The following NCKAP5 variants were observed in gnomAD, a reference collection of about 807,000 sequenced individuals.
The protein encoded by NCKAP5 is NCK associated protein 5, also known as nck-associated protein 5.
In NCKAP5, 92 loss-of-function variants were observed where a neutral mutation model predicts 167.0. The ratio of observed to expected loss-of-function variants is 0.55; its 90% CI spans 0.47 to 0.66. NCKAP5 has a LOEUF of 0.66. NCKAP5 is among the 30% of genes least tolerant of loss of function. NCKAP5 has a pLI of 0.00. For missense variants in NCKAP5, 2,378 were observed against 2,315.0 expected (o/e 1.03, Z -0.56); for synonymous variants, 891 against 877.4 (o/e 1.02, Z -0.27).
At chr2:133,449,883 A>G (rs1024371474) in intron 3 of NCKAP5, among the ~76,000 whole-genome samples, 9 of 151,792 alleles carry the variant, frequency 5.9e-5, no homozygotes, top group African/African-American at 1.9e-4. Flanking sequence ...ACTCGGTTGC[A>G]TAGCACAATT....
intron 3 of NCKAP5, among the ~76,000 whole-genome samples, chr2:133,464,946 G>C (rs577869458): frequency 6.6e-6 from 1 of 151,858 alleles, no homozygotes; most frequent in South Asian, 2.1e-4. Flanking sequence ...TAGACTAATT[G>C]AGAAGATCAC....
Position 132,752,530 on chromosome 2 carries a change from C to T in NCKAP5, c.5129-20479G>A, listed in dbSNP as rs546614618. Among the ~76,000 whole-genome samples the T allele has an allele frequency of 8.1e-4, 124 of 152,234 alleles. 2 individuals carry two copies. The Middle Eastern group carries it at 0.014, about 17-fold the overall frequency. On this transcript the variant is annotated intron_variant, in intron 16 of 19. Transcript: ENST00000409261. ...GAATCTTGGCATCTGTAGTCTCTAC[C>T]CACCCCCTGCCCAGTTTGTAGAATA... is the stretch of plus-strand genomic sequence containing the variant.
chr2:133,476,746 G>C (rs1286378052), intron 3 of NCKAP5, among the ~76,000 whole-genome samples: 1 of 152,146 alleles, frequency 6.6e-6, no homozygotes, highest in East Asian at 1.9e-4. Flanking sequence ...TCGTGGAATA[G>C]GCTTCATGCT....
chr2:133,522,553 C>T (rs1684558231), intron 2 of NCKAP5, among the ~76,000 whole-genome samples: 1 of 152,108 alleles, frequency 6.6e-6, no homozygotes, highest in Non-Finnish European at 1.5e-5. Context: ...TCTGTGTTCC[C>T]CTAGGTAGTA....
intron 5 of NCKAP5, among the ~76,000 whole-genome samples, chr2:133,156,449 C>A (rs1183516243): frequency 6.6e-6 from 1 of 152,044 alleles, no homozygotes; most frequent in Non-Finnish European, 1.5e-5. Context: ...CCAGGTAGCC[C>A]AAAAATATGT....
At chr2:133,525,751 G>C (rs938545141) in intron 2 of NCKAP5, among the ~76,000 whole-genome samples, 3 of 151,946 alleles carry the variant, frequency 2.0e-5, no homozygotes, top group African/African-American at 7.3e-5. Flanking sequence ...CTCTCAGTGG[G>C]GACACAAAGA....
At chr2:133,243,122 C>T (rs1549740) in intron 4 of NCKAP5, among the ~76,000 whole-genome samples, 151,122 of 152,296 alleles carry the variant, frequency 0.99, 74,984 homozygotes, top group East Asian at 1. Context: ...TTTAAAAAGG[C>T]TAGGAGCAAC....
At chr2:133,112,139 T>C (rs757061533) in intron 6 of NCKAP5, among the ~76,000 whole-genome samples, 1 of 152,180 alleles carries the variant, frequency 6.6e-6, no homozygotes, top group Non-Finnish European at 1.5e-5. Context: ...TTACTGGTCT[T>C]ATGACCTTAG....
intron 11 of NCKAP5, among the ~76,000 whole-genome samples, chr2:132,834,816 G>T (rs954614902): frequency 1.1e-4 from 16 of 152,106 alleles, no homozygotes; most frequent in African/African-American, 3.9e-4. Context: ...TCTTTCTCTT[G>T]TCTAATTGCT....
At chr2:133,173,029 G>C (rs1237027327) in intron 5 of NCKAP5, among the ~76,000 whole-genome samples, 1 of 152,068 alleles carries the variant, frequency 6.6e-6, no homozygotes, top group African/African-American at 2.4e-5. Context: ...GCAATGCACT[G>C]TGCTGTCAGG....
At chr2:133,458,782 C>T (rs1016501342) in intron 3 of NCKAP5, among the ~76,000 whole-genome samples, 3 of 151,942 alleles carry the variant, frequency 2.0e-5, no homozygotes, top group African/African-American at 4.8e-5. Flanking sequence ...TAAGGACTCT[C>T]GGGGTTTAGG....
At chr2:133,480,898 G>T (rs971867786) in intron 3 of NCKAP5, among the ~76,000 whole-genome samples, 1 of 152,198 alleles carries the variant, frequency 6.6e-6, no homozygotes, top group African/African-American at 2.4e-5. Context: ...GATTGCTCAA[G>T]TCAAAGCAAG....
upstream of NCKAP5, among the ~76,000 whole-genome samples, chr2:133,570,379 C>A (rs2105067596): frequency 6.6e-6 from 1 of 152,180 alleles, no homozygotes; most frequent in African/African-American, 2.4e-5. Flanking sequence ...ATTGCTATTT[C>A]TTCACTAAAT....
chr2:133,149,821 T>G (rs1237104793), intron 5 of NCKAP5, among the ~76,000 whole-genome samples: 1 of 152,174 alleles, frequency 6.6e-6, no homozygotes, highest in East Asian at 1.9e-4. Context: ...GGGACTATTG[T>G]TGTAAATCAT....
At chr2:133,255,140 G>T (rs1042067540) in intron 4 of NCKAP5, among the ~76,000 whole-genome samples, 6 of 152,002 alleles carry the variant, frequency 3.9e-5, no homozygotes, top group Non-Finnish European at 8.8e-5. Context: ...ATAAAAGAAA[G>T]AAAAAAGGAA....
chr2:132,816,769 CA>C (rs949126361), intron 11 of NCKAP5, among the ~76,000 whole-genome samples: 1 of 152,114 alleles, frequency 6.6e-6, no homozygotes, highest in African/African-American at 2.4e-5. Flanking sequence ...CAGCTCTTAG[CA>C]AAACCCCTGA....
intron 6 of NCKAP5, among the ~76,000 whole-genome samples, chr2:133,092,875 A>C (rs900157071): frequency 5.9e-5 from 9 of 152,156 alleles, no homozygotes; most frequent in Non-Finnish European, 1.3e-4. Context: ...AATTAGAGGA[A>C]TATAGGGGTT....
chr2:133,547,070 T>C lies in NCKAP5; in HGVS notation c.-62+11980A>G, dbSNP rs578034703. ...GCGAGGCATTGCCTCACTTGGGAAG[T>C]GCAAGGGGTCACGGAGTTCCCTTTC... On this transcript the variant is annotated intron_variant, in intron 2 of 19. Coordinates refer to ENST00000409261, the MANE Select transcript of NCKAP5 (RefSeq NM_207363.3). 5.1e-3 allele frequency among the ~76,000 whole-genome samples: 776 copies of C among 152,214 alleles called. 7 individuals carry two copies. Among genetic ancestry groups the C allele is most frequent in the African/African-American group, 0.017 (721 of 41,538 alleles).
chr2:132,843,067 G>C (rs1688407604), intron 11 of NCKAP5, among the ~76,000 whole-genome samples: 1 of 152,106 alleles, frequency 6.6e-6, no homozygotes, highest in African/African-American at 2.4e-5. Flanking sequence ...TAGTTGGCCT[G>C]TATAATCTAC....
Sources: gnomAD v4.1 joint callset for allele counts (sites outside exome capture counted in the v4.1 genomes callset) on GRCh38, gnomAD v4.1.1 for gene constraint, MANE v1.5 for transcripts, NCBI Gene and HGNC (gene_info 2026-07-23, HGNC 2026-07-21) for gene names.